The following LRIF1 variants were observed in gnomAD, a reference collection of about 807,000 sequenced individuals.
The protein encoded by LRIF1 is ligand-dependent nuclear receptor-interacting factor 1.
LRIF1 carries 32 observed loss-of-function variants against 52.7 expected under a neutral mutation model. The observed-to-expected ratio is 0.61, with a 90% CI of 0.46 to 0.82. The LOEUF is 0.82. Ranked by LOEUF, LRIF1 falls within the 40% of genes least tolerant of loss-of-function variation. LRIF1 has a pLI of 0.00. For synonymous variants in LRIF1, 323 were observed against 317.4 expected (o/e 1.02, Z -0.19); for missense variants, 887 against 892.0 (o/e 0.99, Z 0.07).
chr1:110,936,332 C>G, the LRIF1 span: 4 of 152,102 alleles, frequency 2.6e-5, no homozygotes, highest in Non-Finnish European at 5.9e-5. Flanking sequence ...ATGTAAACTA[C>G]TCTTATCCTA....
the LRIF1 span, among the ~76,000 whole-genome samples, chr1:110,894,755 A>G: frequency 6.6e-6 from 1 of 152,264 alleles, no homozygotes; most frequent in East Asian, 1.9e-4. Flanking sequence ...GAAGGAAGCA[A>G]GCCTACTAAA....
At chr1:110,942,923 G>A (rs1342635990), downstream of LRIF1, among the ~76,000 whole-genome samples, 1 of 152,112 alleles carries the variant, frequency 6.6e-6, no homozygotes, top group Non-Finnish European at 1.5e-5. Flanking sequence ...TTTGATCCAT[G>A]AGAACTAGGT....
chr1:110,913,376 A>G, the LRIF1 span, among the ~76,000 whole-genome samples: 1 of 152,202 alleles, frequency 6.6e-6, no homozygotes, highest in Non-Finnish European at 1.5e-5. Context: ...CGATCAATCT[A>G]CAGAATGAGA....
chr1:110,949,246 G>A (rs1465553502), intron 3 of LRIF1, among the ~76,000 whole-genome samples: 6 of 151,630 alleles, frequency 4.0e-5, no homozygotes, highest in African/African-American at 1.5e-4. Flanking sequence ...AGCTTCCCAA[G>A]TAGTTGGGAC....
At chr1:110,884,721 C>T in the LRIF1 span, among the ~76,000 whole-genome samples, 1 of 151,810 alleles carries the variant, frequency 6.6e-6, no homozygotes. Context: ...ATAATTTTTT[C>T]TGTAATAGTG....
chr1:110,958,164 C>A (rs1394808204), intron 1 of LRIF1, among the ~76,000 whole-genome samples: 2 of 152,226 alleles, frequency 1.3e-5, no homozygotes, highest in Admixed American at 6.5e-5. Context: ...CCAATCTCTA[C>A]AACAATACCA....
the LRIF1 span, among the ~76,000 whole-genome samples, chr1:110,920,984 A>G: frequency 6.6e-6 from 1 of 152,166 alleles, no homozygotes. Context: ...AAGTGGTCCT[A>G]GGGAGAATGT....
the LRIF1 span, among the ~76,000 whole-genome samples, chr1:110,897,068 G>C: frequency 1.3e-5 from 2 of 152,198 alleles, no homozygotes; most frequent in South Asian, 4.1e-4. Context: ...AATGTATAGG[G>C]TTGAGATAGA....
chr1:110,946,444 C>G (rs1307606001), downstream of LRIF1, among the ~76,000 whole-genome samples: 1 of 152,044 alleles, frequency 6.6e-6, no homozygotes, highest in Non-Finnish European at 1.5e-5. Context: ...ACTCTGTAAA[C>G]ATATTAAAAA....
chr1:110,900,632 G>T, the LRIF1 span, among the ~76,000 whole-genome samples: 1 of 151,824 alleles, frequency 6.6e-6, no homozygotes, highest in Non-Finnish European at 1.5e-5. Context: ...CTCCCAAAGT[G>T]CTGGGATTAC....
At chr1:110,938,122 T>C in the LRIF1 span, 1 of 152,016 alleles carries the variant, frequency 6.6e-6, no homozygotes, top group Non-Finnish European at 1.5e-5. Flanking sequence ...CTCAATTCTA[T>C]CAAGCATCGA....
chr1:110,959,722 G>A (rs568798275), intron 1 of LRIF1, among the ~76,000 whole-genome samples: 2 of 133,492 alleles, frequency 1.5e-5, no homozygotes, highest in East Asian at 4.3e-4. Flanking sequence ...TGGCGACAGA[G>A]CGAGACTCCA....
the LRIF1 span, among the ~76,000 whole-genome samples, chr1:110,918,412 T>C: frequency 5.9e-5 from 9 of 152,032 alleles, no homozygotes; most frequent in Non-Finnish European, 1.3e-4. Flanking sequence ...AGACAAAACA[T>C]TTAAAAATGT....
intron 1 of LRIF1, 44 bp downstream of exon 1, chr1:110,963,577 G>A: frequency 1.3e-6 from 2 of 1,547,452 alleles, no homozygotes; most frequent in South Asian, 1.1e-5. Flanking sequence ...TCCCTAAGAC[G>A]GACAGAGGGG....
downstream of LRIF1, chr1:110,944,437 T>C (rs1445076603): frequency 1.3e-5 from 2 of 152,184 alleles, no homozygotes; most frequent in Non-Finnish European, 1.5e-5. Context: ...AAATAAAAGA[T>C]AAAAACTGCA....
chr1:110,921,916 T>C, the LRIF1 span, among the ~76,000 whole-genome samples: 1 of 152,226 alleles, frequency 6.6e-6, no homozygotes, highest in Non-Finnish European at 1.5e-5. Flanking sequence ...GATTATGCCA[T>C]CACCCAGGTG....
At chr1:110,891,502 C>T in the LRIF1 span, 12 of 1,551,262 alleles carry the variant, frequency 7.7e-6, no homozygotes, top group African/African-American at 1.6e-4. Context: ...CACGGTTTAG[C>T]TCACCTTTAC....
downstream of LRIF1, among the ~76,000 whole-genome samples, chr1:110,942,596 A>G (rs1447827892): frequency 6.6e-6 from 1 of 152,112 alleles, no homozygotes; most frequent in Non-Finnish European, 1.5e-5. Context: ...GTGGTGAGCA[A>G]TGGTCGGATT....
At chr1:110,879,105 C>T in the LRIF1 span, among the ~76,000 whole-genome samples, 1 of 151,990 alleles carries the variant, frequency 6.6e-6, no homozygotes, top group Non-Finnish European at 1.5e-5. Context: ...ATTATTCTTG[C>T]CCCGTGTATG....
Sources: gnomAD v4.1 joint callset for allele counts (sites outside exome capture counted in the v4.1 genomes callset) on GRCh38, gnomAD v4.1.1 for gene constraint, MANE v1.5 for transcripts, NCBI Gene and HGNC (gene_info 2026-07-23, HGNC 2026-07-21) for gene names.